Variants in CFAP91 observed in about 807,000 individuals in gnomAD.
The protein encoded by CFAP91 is cilia- and flagella-associated protein 91.
Under a neutral mutation model 95.9 loss-of-function variants are expected in CFAP91, and 85 were observed. The observed-to-expected ratio is 0.89, with a 90% CI of 0.74 to 1.06. The LOEUF is 1.06. CFAP91 is among the 50% of genes least tolerant of loss of function. CFAP91 has a pLI of 0.00. For missense variants in CFAP91, 962 were observed against 943.4 expected (o/e 1.02, Z -0.26); for synonymous variants, 335 against 327.5 (o/e 1.02, Z -0.25).
At chr3:119,753,379 G>C (rs1559769420) in intron 17 of CFAP91, among the ~76,000 whole-genome samples, 1 of 152,118 alleles carries the variant, frequency 6.6e-6, no homozygotes, top group South Asian at 2.1e-4. Flanking sequence ...ATATGATATA[G>C]TTTAGCTTCT....
chr3:119,730,133 C>G, intron 7 of CFAP91, 87 bp from the exon 8 acceptor site: 2 of 1,361,348 alleles, frequency 1.5e-6, no homozygotes, highest in South Asian at 2.8e-5. Context: ...TAGCAGCCCA[C>G]AGAGAAGAGC....
intron 17 of CFAP91, among the ~76,000 whole-genome samples, chr3:119,756,340 A>T (rs937441146): frequency 2.6e-5 from 4 of 152,188 alleles, no homozygotes; most frequent in Non-Finnish European, 5.9e-5. Context: ...AGGCAAACAT[A>T]TTCTTCATGC....
At position 119,766,328 on chromosome 3, in the gene CFAP91, TAAAA is replaced by T. The variant is rs1447879926; in HGVS notation, c.*1282_*1285del. The stretch of plus-strand genomic sequence containing the variant: ...ATAATTAATTTTCTGAGTTTTTTTT[TAAAA>T]AAACTAATTATACAAACTTGAAAGG... On this transcript the variant is annotated 3_prime_UTR_variant, in exon 18 of 18. Transcript: ENST00000273390. The T allele has an allele frequency of 6.6e-6, 1 of 151,984 alleles. No individual in the cohort carries two copies. Among genetic ancestry groups the T allele is most frequent in the Non-Finnish European group, 1.5e-5 (1 of 67,958 alleles). The allele number at this position is 151,984 out of a possible 1,614,324, so 9.4% of individuals were successfully genotyped here.
intron 14 of CFAP91, among the ~76,000 whole-genome samples, chr3:119,746,847 C>CATTA (rs1395983959): frequency 1.3e-5 from 2 of 152,184 alleles, no homozygotes; most frequent in Admixed American, 6.5e-5. Context: ...AGCCCATAAT[C>CATTA]CTTCAGCAGT....
At chr3:119,715,160 A>G (rs1217049737) in intron 5 of CFAP91, among the ~76,000 whole-genome samples, 2 of 151,998 alleles carry the variant, frequency 1.3e-5, no homozygotes, top group South Asian at 2.1e-4. Flanking sequence ...CTCTGCTCCC[A>G]TATTTCTGGA....
rs2054239592 is a variant in CFAP91 at position 119,747,281 on chromosome 3, A to G, written c.2051+18A>G. On this transcript the variant is annotated intron_variant, in intron 15 of 17. Coordinates refer to ENST00000273390, the MANE Select transcript of CFAP91 (RefSeq NM_033364.4). Reference sequence around the variant, plus strand: ...GAAAGCCGGTGTGTATCAAGAGAACAGATTGTAGAATGGACAGCCCATTTG... The same window carrying G: ...GAAAGCCGGTGTGTATCAAGAGAACGGATTGTAGAATGGACAGCCCATTTG... The G allele has an allele frequency of 6.2e-7, 1 of 1,606,112 alleles. No individual in the cohort carries two copies. Among genetic ancestry groups the G allele is most frequent in the Non-Finnish European group, 8.5e-7 (1 of 1,177,162 alleles).
chr3:119,738,330 G>GTTTTTTTTTTTTTTTTTTTTTTTTTTTTT (rs1559761130), intron 11 of CFAP91, among the ~76,000 whole-genome samples: 2 of 23,704 alleles, frequency 8.4e-5, no homozygotes, highest in Non-Finnish European at 2.4e-4. Flanking sequence ...TTGACATATT[G>GTTTTTTTTTTTTTTTTTTTTTTTTTTTTT]TCTTTTTTTT....
At position 119,732,490 on chromosome 3, in the gene CFAP91, A is replaced by G. The variant is rs375884593; in HGVS notation, c.1201+14A>G. The stretch of plus-strand genomic sequence containing the variant: ...ACACCTATGAAGGTAAGCAATTTAC[A>G]TAATTAGAAATCCAGTATAAGAAGG... On this transcript the variant is annotated intron_variant, in intron 9 of 17. Coordinates refer to ENST00000273390, the MANE Select transcript of CFAP91 (RefSeq NM_033364.4). 2.0e-6 allele frequency: 3 copies of G among 1,501,138 alleles called. No individual in the cohort carries two copies. The African/African-American group carries it at 4.2e-5, about 21-fold the overall frequency. 93.0% of individuals were successfully genotyped at this position (1,501,138 alleles called of 1,614,324 possible).
At chr3:119,745,016 T>TA (rs1170676285) in intron 14 of CFAP91, among the ~76,000 whole-genome samples, 5 of 152,050 alleles carry the variant, frequency 3.3e-5, no homozygotes, top group African/African-American at 9.7e-5. Context: ...AAAAAGCTGG[T>TA]AAAAAAGCTT....
rs898309250 is a variant in CFAP91, at chr3:119,766,046, A to T, written c.*996A>T. On this transcript the variant is annotated 3_prime_UTR_variant, in exon 18 of 18. Coordinates refer to ENST00000273390, the MANE Select transcript of CFAP91 (RefSeq NM_033364.4). ...AAGGAAGTGGGCTAAGATGGGAAAAATATAAAAAGATTTAAAATCCAGCAA... is the reference window on the plus strand; with the variant it reads ...AAGGAAGTGGGCTAAGATGGGAAAATTATAAAAAGATTTAAAATCCAGCAA... The T allele has an allele frequency of 6.6e-6, 1 of 152,240 alleles. No individual in the cohort carries two copies. The highest frequency in any genetic ancestry group is 2.4e-5 in the African/African-American group (1 of 41,460). The allele number at this position is 152,240 out of a possible 1,614,324, so 9.4% of individuals were successfully genotyped here.
Position 119,729,088 on chromosome 3 carries a change from T to C in CFAP91, c.861-1132T>C, listed in dbSNP as rs2053842611. Among the ~76,000 whole-genome samples, 2 of 152,244 alleles carry C rather than the reference T, an allele frequency of 1.3e-5. 1 individual carries two copies. The highest frequency in any genetic ancestry group is 6.8e-3 in the Middle Eastern group (2 of 292). ...AGTAAAATGTATGTTCAAATCTCTG[T>C]TTTAGGAAGGAAAACCTTGACAGCT... On this transcript the variant is annotated intron_variant, in intron 7 of 17. Coordinates refer to ENST00000273390, the MANE Select transcript of CFAP91 (RefSeq NM_033364.4).
intron 16 of CFAP91, 116 bp downstream of exon 16, chr3:119,748,018 G>GA (rs755667778): frequency 5.2e-5 from 40 of 763,876 alleles, no homozygotes; most frequent in Non-Finnish European, 7.7e-5. Context: ...GAGGATCACT[G>GA]AGTTTTCTTA....
At chr3:119,725,728 G>A (rs539118327) in intron 6 of CFAP91, among the ~76,000 whole-genome samples, 1 of 151,998 alleles carries the variant, frequency 6.6e-6, no homozygotes, top group Admixed American at 6.6e-5. Flanking sequence ...CTATACTCCA[G>A]CCTGGGCAAC....
intron 10 of CFAP91, among the ~76,000 whole-genome samples, chr3:119,736,518 CA>C (rs1286463448): frequency 6.6e-6 from 1 of 151,986 alleles, no homozygotes; most frequent in African/African-American, 2.4e-5. Flanking sequence ...CCTCGTGATC[CA>C]CCCTCCTCGG....
At chr3:119,732,578 A>C (rs1445608067) in intron 9 of CFAP91, 102 bp downstream of exon 9, 1 of 871,360 alleles carries the variant, frequency 1.1e-6, no homozygotes, top group Admixed American at 3.2e-5. Context: ...CTAAGCAATA[A>C]AAATATTTGC....
chr3:119,715,161 T>A (rs2053549269), intron 5 of CFAP91, among the ~76,000 whole-genome samples: 1 of 152,164 alleles, frequency 6.6e-6, no homozygotes, highest in African/African-American at 2.4e-5. Flanking sequence ...TCTGCTCCCA[T>A]ATTTCTGGAG....
intron 11 of CFAP91, among the ~76,000 whole-genome samples, chr3:119,738,332 C>CTTTTGTTTTTTTTTTTTTTTTTTTTTTT (rs2054049800): frequency 4.3e-5 from 1 of 23,040 alleles, no homozygotes; most frequent in Non-Finnish European, 1.1e-4. Flanking sequence ...GACATATTGT[C>CTTTTGTTTTTTTTTTTTTTTTTTTTTTT]TTTTTTTTTT....
Position 119,747,873 on chromosome 3 carries a change from AG to A in CFAP91, c.2116del (p.Val706CysfsTer10). On this transcript the variant is annotated frameshift_variant, in exon 16 of 18. Transcript: ENST00000273390. LOFTEE classifies it high-confidence loss of function. ...AELVYSFLIPEVQKYFVKEKV... is the reference protein window; with the variant it reads ...AELVYSFLIPXVQKYFVKEKV... ...TTGGTTTATAGTTTTCTGATCCCAG[AG>A]GTGCAAAAATACTTTGTCAAAGAAA... 6.2e-7 allele frequency: 1 copy of A among 1,613,486 alleles called. No individual in the cohort carries two copies. The highest frequency in any genetic ancestry group is 1.3e-5 in the African/African-American group (1 of 75,042).
intron 5 of CFAP91, 131 bp downstream of exon 5, chr3:119,710,026 ATCT>A (rs1385597122): frequency 1.6e-5 from 11 of 700,422 alleles, no homozygotes; most frequent in Non-Finnish European, 2.2e-5. Flanking sequence ...AGGGTATGAA[ATCT>A]TCTAGTGTGT....
Sources: gnomAD v4.1 joint callset for allele counts (sites outside exome capture counted in the v4.1 genomes callset) on GRCh38, gnomAD v4.1.1 for gene constraint, MANE v1.5 for transcripts, NCBI Gene and HGNC (gene_info 2026-07-23, HGNC 2026-07-21) for gene names.